The following CD22 variants were observed in gnomAD, a reference collection of about 807,000 sequenced individuals.
CD22 encodes CD22 molecule.
A neutral mutation model predicts 94.7 loss-of-function variants in CD22; 51 were observed. That is an observed-to-expected ratio of 0.54 (90% confidence interval 0.43 to 0.68). The LOEUF (loss-of-function observed/expected upper bound fraction) is 0.68. CD22 is among the 30% of genes least tolerant of loss of function. The pLI is 0.00. For synonymous variants in CD22, 424 were observed against 422.5 expected, an observed-to-expected ratio of 1.00 and a Z score of -0.04; for missense variants, 931 against 1,060.4, an observed-to-expected ratio of 0.88 and a Z score of 1.69.
In CD22 at chr19:35,336,334, CGTGAAGCGTGA is replaced by C; in HGVS notation, c.714_718+6del. 6.2e-7 allele frequency: 1 copy of C among 1,613,708 alleles called. No homozygotes were observed. The highest frequency in any genetic ancestry group is 8.5e-7 in the Non-Finnish European group (1 of 1,179,650). The stretch of plus-strand genomic sequence containing the variant: ...TCTCCAATGACACGGTGCAGCTGAA[CGTGAAGCGTGA>C]GTCTCCCCGGCATGCCTGTGGGAAG... On this transcript the variant is annotated splice_donor_variant and splice_donor_region_variant and coding_sequence_variant and intron_variant, in exon 4 of 14. Coordinates refer to ENST00000085219, the MANE Select transcript of CD22 (RefSeq NM_001771.4). LOFTEE classifies it high-confidence loss of function.
chr19:35,329,514 C>A (rs767012362), intron 1 of CD22: 21 of 339,098 alleles, frequency 6.2e-5, no homozygotes, highest in Non-Finnish European at 1.2e-4. Context: ...CAGGCCTGGA[C>A]TGAGGAGGTC....
At chr19:35,344,979 T>C (rs768737803) in intron 10 of CD22, 54 bp downstream of exon 10, 2 of 1,597,382 alleles carry the variant, frequency 1.3e-6, no homozygotes, top group East Asian at 2.2e-5. Flanking sequence ...GAGGCCCGTG[T>C]CCAGTTGCTC....
Position 35,346,218 on chromosome 19 carries a change from T to G in CD22, c.2395T>G (p.Leu799Val), listed in dbSNP as rs531915492. The stretch of plus-strand genomic sequence containing the variant: ...CGATGACACGGTCACTTATTCAGCA[T>G]TGCACAAGCGCCAAGTGGTAAGGAG... ...DCDDTVTYSALHKRQVGDYEN... is the reference protein window; with the variant it reads ...DCDDTVTYSAVHKRQVGDYEN... The change falls in exon 13 of 14, where the codon TTG becomes GTG. Residue 799 changes from leucine to valine, a missense_variant. Coordinates refer to ENST00000085219, the MANE Select transcript of CD22 (RefSeq NM_001771.4). 1 of 1,613,990 alleles carries G rather than the reference T, an allele frequency of 6.2e-7. No individual in the cohort carries two copies. Among genetic ancestry groups the G allele is most frequent in the South Asian group, 1.1e-5 (1 of 91,082 alleles).
chr19:35,346,620 T>A lies in CD22; in HGVS notation c.2467T>A (p.Ser823Thr). The A allele has an allele frequency of 1.2e-6, 2 of 1,606,906 alleles. No homozygotes were observed. Among genetic ancestry groups the A allele is most frequent in the Non-Finnish European group, 1.7e-6 (2 of 1,176,330 alleles). Residue 823 changes from serine to threonine, a missense_variant, in exon 14 of 14, where the codon TCA (serine) becomes ACA (threonine). Ser to Thr is a moderately conservative substitution (Grantham distance 58, BLOSUM62 1). Coordinates refer to ENST00000085219, the MANE Select transcript of CD22 (RefSeq NM_001771.4). The stretch of plus-strand genomic sequence containing the variant: ...TCCAGAAGATGAGGGGATTCATTAC[T>A]CAGAGCTGATCCAGTTTGGGGTCGG... ...DFPEDEGIHY[S>T]ELIQFGVGER...
At chr19:35,331,632 T>C in intron 1 of CD22, 2 of 199,904 alleles carry the variant, frequency 1.0e-5, no homozygotes, top group Non-Finnish European at 2.1e-5. Flanking sequence ...GCAGATCACC[T>C]GAGATCAGGA....
chr19:35,329,738 G>A, intron 1 of CD22: 1 of 156,808 alleles, frequency 6.4e-6, no homozygotes. Flanking sequence ...GCAGGTTGTG[G>A]CTGGAGGGTG....
In CD22 at chr19:35,337,923, T is replaced by A. The variant is rs1646430138; in HGVS notation, c.887T>A (p.Leu296Gln). 1 of 1,614,174 alleles carries A rather than the reference T, an allele frequency of 6.2e-7. No homozygotes were observed. Among genetic ancestry groups the A allele is most frequent in the Non-Finnish European group, 8.5e-7 (1 of 1,180,016 alleles). The change falls in exon 5 of 14, where the codon CTG (leucine) becomes CAG (glutamine). Residue 296 changes from leucine to glutamine, a missense_variant. Physicochemically the swap from Leu to Gln is moderately radical, Grantham distance 113. Transcript: ENST00000085219. The surrounding 1 kb of genome is among the most constrained non-coding windows in gnomAD (Gnocchi z 4.4). ...LKKQNTFTLN[L>Q]REVTKDQSGK... is the part of the protein sequence containing the mutation. Reference sequence around the variant, plus strand: ...AAGCAGAATACATTCACGCTAAACCTGCGCGAAGTGACCAAGGACCAGAGT... The same window carrying A: ...AAGCAGAATACATTCACGCTAAACCAGCGCGAAGTGACCAAGGACCAGAGT...
intron 9 of CD22, 141 bp from the exon 10 acceptor site, chr19:35,344,688 C>G: frequency 1.5e-6 from 1 of 667,656 alleles, no homozygotes; most frequent in South Asian, 1.8e-5. Flanking sequence ...CGTTGTCACC[C>G]TCTTCCTCTG....
chr19:35,339,680 AC>A (rs2066778936), intron 6 of CD22, among the ~76,000 whole-genome samples: 1 of 152,078 alleles, frequency 6.6e-6, no homozygotes, highest in Non-Finnish European at 1.5e-5. Context: ...ACATGGCGAA[AC>A]CCTGTCTCTA....
chr19:35,338,563 A>G (rs2066759458), intron 6 of CD22, 132 bp downstream of exon 6: 1 of 869,698 alleles, frequency 1.1e-6, no homozygotes, highest in Non-Finnish European at 1.8e-6. Context: ...CCTGTTCACA[A>G]CTGCTGTCTC....
intron 1 of CD22, among the ~76,000 whole-genome samples, chr19:35,331,429 G>A (rs775884867): frequency 2.7e-4 from 41 of 152,168 alleles, no homozygotes; most frequent in Non-Finnish European, 5.6e-4. Context: ...AATTAGAGAT[G>A]GATGAATGGA....
chr19:35,332,144 C>A (rs1459020603), intron 2 of CD22, 70 bp downstream of exon 2: 1 of 1,587,798 alleles, frequency 6.3e-7, no homozygotes, highest in Non-Finnish European at 8.6e-7. Context: ...GGAGGAAAGA[C>A]CCAGGCAGAG....
At position 35,344,810 on chromosome 19, in the gene CD22, C is replaced by CT; in HGVS notation, c.2036-18dup. 1 of 1,578,022 alleles carries CT rather than the reference C, an allele frequency of 6.3e-7. No individual in the cohort carries two copies. On this transcript the variant is annotated intron_variant, in intron 9 of 13. Transcript: ENST00000085219. Reference sequence around the variant, plus strand: ...AGCTGGCCCCTCAGTTGATTAAGGTCTCTCCTTTCTCCACCCAGATAGCCC... The same window carrying CT: ...AGCTGGCCCCTCAGTTGATTAAGGTCTTCTCCTTTCTCCACCCAGATAGCCC...
chr19:35,332,780 A>C lies in CD22; in HGVS notation c.268A>C (p.Lys90Gln), dbSNP rs1457865935. The C allele has an allele frequency of 6.2e-7, 1 of 1,614,170 alleles. No individual in the cohort carries two copies. The highest frequency in any genetic ancestry group is 1.7e-5 in the Admixed American group (1 of 60,018). ...TKDGKVPSEQ[K>Q]RVQFLGDKNK... is the part of the protein sequence containing the mutation. ...GGATGGGAAGGTTCCTTCTGAGCAGAAAAGGGTGCAATTCCTGGGAGACAA... is the reference window on the plus strand; with the variant it reads ...GGATGGGAAGGTTCCTTCTGAGCAGCAAAGGGTGCAATTCCTGGGAGACAA... Residue 90 changes from lysine (K) to glutamine (Q), a missense_variant, in exon 3 of 14, where the codon AAA becomes CAA. Physicochemically the swap from Lys to Gln is moderately conservative, Grantham distance 53. Transcript: ENST00000085219.
Position 35,338,060 on chromosome 19 carries a change from G to A in CD22, c.985+39G>A, listed in dbSNP as rs368964604. On this transcript the variant is annotated intron_variant, in intron 5 of 13. Coordinates refer to ENST00000085219, the MANE Select transcript of CD22 (RefSeq NM_001771.4). ...AGCTGGGGACAGGCCAGGCAGGGAGGTAGCAGGGGTGGACCCGGAGAGGGG... is the reference window on the plus strand; with the variant it reads ...AGCTGGGGACAGGCCAGGCAGGGAGATAGCAGGGGTGGACCCGGAGAGGGG... The A allele has an allele frequency of 3.8e-6, 6 of 1,584,382 alleles. No individual in the cohort carries two copies. The South Asian group carries it at 4.7e-5, about 12-fold the overall frequency.
At chr19:35,333,190 T>G in intron 3 of CD22, 1 of 479,550 alleles carries the variant, frequency 2.1e-6, no homozygotes, top group East Asian at 3.4e-5. Flanking sequence ...TTTCTCACCA[T>G]GTATTTTTCA....
At chr19:35,340,426 A>G (rs1337601181) in intron 6 of CD22, among the ~76,000 whole-genome samples, 3 of 151,918 alleles carry the variant, frequency 2.0e-5, no homozygotes, top group African/African-American at 7.3e-5. Flanking sequence ...GGGACTACAG[A>G]CATGCACCAG....
Position 35,332,904 on chromosome 19 carries a change from G to C in CD22, c.392G>C (p.Arg131Pro). 6.2e-7 allele frequency: 1 copy of C among 1,614,042 alleles called. No homozygotes were observed. Among genetic ancestry groups the C allele is most frequent in the South Asian group, 1.1e-5 (1 of 91,072 alleles). ...TCCAAGACTGAGAAATGGATGGAAC[G>C]AATACACCTCAATGTCTCTGGTAAG... ...MESKTEKWME[R>P]IHLNVSERPF... The change falls in exon 3 of 14, where the codon CGA becomes CCA. Residue 131 changes from arginine (R) to proline (P), a missense_variant. By Grantham distance (103) the Arg-to-Pro change is moderately radical. Transcript: ENST00000085219.
chr19:35,335,476 G>A (rs2066708187), intron 3 of CD22, among the ~76,000 whole-genome samples: 1 of 152,162 alleles, frequency 6.6e-6, no homozygotes, highest in East Asian at 1.9e-4. Flanking sequence ...AGGATTGCTT[G>A]AGCCTAGGAG....
Sources: gnomAD v4.1 joint callset for allele counts (sites outside exome capture counted in the v4.1 genomes callset) on GRCh38, gnomAD v4.1.1 for gene constraint, Gnocchi (gnomAD v3.1) non-coding constraint, MANE v1.5 for transcripts, NCBI Gene and HGNC (gene_info 2026-07-23, HGNC 2026-07-21) for gene names.